Variants in PRKN observed in about 807,000 individuals in gnomAD.
PRKN encodes the protein E3 ubiquitin-protein ligase parkin.
In PRKN, 56 loss-of-function variants were observed where a neutral mutation model predicts 59.5. The ratio of observed to expected loss-of-function variants is 0.94; its 90% confidence interval spans 0.76 to 1.18. The LOEUF (loss-of-function observed/expected upper bound fraction) is 1.18, where lower values mean the gene tolerates loss of function less well. Among genes scored for constraint, PRKN ranks in the 50% most tolerant of loss-of-function variants. The pLI, the probability that PRKN is intolerant of heterozygous loss-of-function variation, is 0.00. For synonymous variants in PRKN, 250 were observed against 222.1 expected (o/e 1.13, Z -1.12); for missense variants, 657 against 596.4 (o/e 1.10, Z -1.06).
chr6:162,303,023 A>G (rs1782037532), intron 2 of PRKN, among the ~76,000 whole-genome samples: 1 of 147,726 alleles, frequency 6.8e-6, no homozygotes, highest in Admixed American at 6.8e-5. Context: ...TCCCAGAGAA[A>G]GCAGTTACGT....
intron 4 of PRKN, among the ~76,000 whole-genome samples, chr6:162,101,112 T>C (rs1779952915): frequency 6.6e-6 from 1 of 152,120 alleles, no homozygotes. Context: ...TTCCCTTTTG[T>C]TGCTTGTGCT....
rs557605507 is a variant in PRKN, at chr6:162,240,163, C to T, written c.412+22362G>A. On this transcript the variant is annotated intron_variant, in intron 3 of 11. Coordinates refer to ENST00000366898, the MANE Select transcript of PRKN (RefSeq NM_004562.3). ...GCCATTAAGGTTTGTTTCAAGGAGT[C>T]GGGGGAAGCTCCCCAGCAGCTCTGA... 1.1e-4 allele frequency among the ~76,000 whole-genome samples: 16 copies of T among 152,204 alleles called. No homozygotes were observed. The East Asian group carries it at 1.7e-3, about 17-fold the overall frequency.
chr6:162,627,634 TAGGC>T (rs1782947571), intron 1 of PRKN, among the ~76,000 whole-genome samples: 1 of 152,018 alleles, frequency 6.6e-6, no homozygotes. Flanking sequence ...ATGGGGCAGT[TAGGC>T]AGGGTGAACG....
chr6:161,711,033 T>C (rs1786729462), intron 7 of PRKN, among the ~76,000 whole-genome samples: 1 of 151,862 alleles, frequency 6.6e-6, no homozygotes, highest in South Asian at 2.1e-4. Context: ...GAAAGGATAT[T>C]TCTTATTCCC....
chr6:161,400,605 C>A lies in PRKN; in HGVS notation c.1084-13728G>T, dbSNP rs1370115802. ...CTGGGATTACAGGCATGAGCCACCA[C>A]GCTCGGCCGAAAATTAAACGTATTC... On this transcript the variant is annotated intron_variant, in intron 9 of 11. Transcript: ENST00000366898. This position sits in a 1 kb window ranked among gnomAD's most constrained non-coding sequence, Gnocchi z 4.2. 6.6e-6 allele frequency among the ~76,000 whole-genome samples: 1 copy of A among 152,068 alleles called. No homozygotes were observed. Among genetic ancestry groups the A allele is most frequent in the Non-Finnish European group, 1.5e-5 (1 of 68,010 alleles).
intron 6 of PRKN, among the ~76,000 whole-genome samples, chr6:161,856,727 C>A (rs35378660): frequency 0.22 from 34,089 of 151,986 alleles, 4,781 homozygotes; most frequent in South Asian, 0.33. Flanking sequence ...TATTTTGTTT[C>A]TTTTAGGTGC....
At chr6:162,638,035 TTATA>T (rs5881485) in intron 1 of PRKN, among the ~76,000 whole-genome samples, 28,981 of 151,960 alleles carry the variant, frequency 0.19, 3,451 homozygotes, top group East Asian at 0.47. Flanking sequence ...TCAGATTCCT[TTATA>T]TAGTTTCTTT....
chr6:161,445,279 G>A lies in PRKN; in HGVS notation c.1084-58402C>T, dbSNP rs555917998. 7.9e-5 allele frequency among the ~76,000 whole-genome samples: 12 copies of A among 152,232 alleles called. No homozygotes were observed. Among genetic ancestry groups the A allele is most frequent in the South Asian group, 6.2e-4 (3 of 4,814 alleles). The stretch of plus-strand genomic sequence containing the variant: ...AAGACAGGACTGTAAAACATAGACC[G>A]CATGTGACCTGCTGGTGCTCGGCAC... On this transcript the variant is annotated intron_variant, in intron 9 of 11. Coordinates refer to ENST00000366898, the MANE Select transcript of PRKN (RefSeq NM_004562.3). This position sits in a 1 kb window ranked among gnomAD's most constrained non-coding sequence, Gnocchi z 7.7.
rs1160664725 is a variant in PRKN, at chr6:161,584,715, A to G, written c.872-15299T>C. Among the ~76,000 whole-genome samples the G allele has an allele frequency of 6.6e-6, 1 of 152,226 alleles. No homozygotes were observed. Reference sequence around the variant, plus strand: ...CCATTATACAACAGGGGGATCCTACATCCAGCTTCATTTAGGATATTGCTT... The same window carrying G: ...CCATTATACAACAGGGGGATCCTACGTCCAGCTTCATTTAGGATATTGCTT... On this transcript the variant is annotated intron_variant, in intron 7 of 11. Coordinates refer to ENST00000366898, the MANE Select transcript of PRKN (RefSeq NM_004562.3). The surrounding 1 kb of genome is among the most constrained non-coding windows in gnomAD (Gnocchi z 4.8).
At chr6:162,378,584 A>G (rs1056928311) in intron 2 of PRKN, among the ~76,000 whole-genome samples, 5 of 152,240 alleles carry the variant, frequency 3.3e-5, no homozygotes, top group African/African-American at 1.2e-4. Context: ...TTAGTCTTGT[A>G]TTTTCAGGAT....
intron 2 of PRKN, among the ~76,000 whole-genome samples, chr6:162,413,484 T>C (rs962040385): frequency 5.3e-5 from 8 of 152,186 alleles, no homozygotes; most frequent in African/African-American, 1.9e-4. Flanking sequence ...ACTAATTAGA[T>C]AGCAAGGTAT....
rs61592555 is a variant in PRKN at position 162,179,968 on chromosome 6, C to CTGTGTGTGTGTGTGTGTGTGTGTGTG, written c.534+21137_534+21162dup. Among the ~76,000 whole-genome samples, 320 of 139,736 alleles carry CTGTGTGTGTGTGTGTGTGTGTGTGTG rather than the reference C, an allele frequency of 2.3e-3. 4 individuals are homozygous for CTGTGTGTGTGTGTGTGTGTGTGTGTG. Among genetic ancestry groups the CTGTGTGTGTGTGTGTGTGTGTGTGTG allele is most frequent in the Non-Finnish European group, 3.3e-3 (215 of 64,466 alleles). 91.7% of individuals were successfully genotyped at this position (139,736 alleles called of 152,430 possible). A position where few individuals can be genotyped will look rare whatever the true frequency, so the allele number is the denominator to read the frequency against. Reference sequence around the variant, plus strand: ...GACAGTGCTTTTTGTTATCTTATTACTGTGTGTGTGTGTGTGTGTGTGTGT... The same window carrying CTGTGTGTGTGTGTGTGTGTGTGTGTG: ...GACAGTGCTTTTTGTTATCTTATTACTGTGTGTGTGTGTGTGTGTGTGTGTGTGTGTGTGTGTGTGTGTGTGTGTGT... On this transcript the variant is annotated intron_variant, in intron 4 of 11. Coordinates refer to ENST00000366898, the MANE Select transcript of PRKN (RefSeq NM_004562.3).
intron 6 of PRKN, among the ~76,000 whole-genome samples, chr6:161,851,930 T>C (rs1793452824): frequency 2.0e-5 from 3 of 147,548 alleles, no homozygotes; most frequent in Admixed American, 1.3e-4. Flanking sequence ...CTACCAAAAA[T>C]ACAAAAATTA....
intron 1 of PRKN, chr6:162,569,254 C>G: frequency 1.2e-5 from 7 of 584,026 alleles, no homozygotes; most frequent in South Asian, 1.1e-4. Context: ...GCCTCAAAAG[C>G]CAGAGGGCTT....
intron 6 of PRKN, among the ~76,000 whole-genome samples, chr6:161,836,567 C>G (rs534097136): frequency 6.6e-6 from 1 of 152,176 alleles, no homozygotes; most frequent in South Asian, 2.1e-4. Context: ...TAAACCTGCT[C>G]ATTATTCTAC....
rs1462928347 is a variant in PRKN at position 161,473,369 on chromosome 6, T to G, written c.1083+75485A>C. 1.3e-5 allele frequency among the ~76,000 whole-genome samples: 2 copies of G among 150,332 alleles called. No individual in the cohort carries two copies. Among genetic ancestry groups the G allele is most frequent in the Admixed American group, 6.7e-5 (1 of 14,978 alleles). On this transcript the variant is annotated intron_variant, in intron 9 of 11. Transcript: ENST00000366898. This position sits in a 1 kb window ranked among gnomAD's most constrained non-coding sequence, Gnocchi z 4.1. ...ATCCATAAATTTATTTATATACATA[T>G]ATATATATAAAATGGAATATTATCA...
chr6:162,462,600 T>C (rs763291112), intron 1 of PRKN, among the ~76,000 whole-genome samples: 5 of 152,172 alleles, frequency 3.3e-5, no homozygotes, highest in Admixed American at 1.3e-4. Context: ...AGAGGGCTAA[T>C]GTGTATCTTG....
chr6:162,017,597 A>C (rs1325535464), intron 5 of PRKN, among the ~76,000 whole-genome samples: 1 of 139,650 alleles, frequency 7.2e-6, no homozygotes, highest in Non-Finnish European at 1.6e-5. Context: ...CCATGGTTTA[A>C]CATTTCATGC....
intron 2 of PRKN, among the ~76,000 whole-genome samples, chr6:162,401,119 G>T (rs1787771687): frequency 6.6e-6 from 1 of 151,884 alleles, no homozygotes; most frequent in Non-Finnish European, 1.5e-5. Context: ...GGAATAAAAA[G>T]TATGTTTTCA....
Sources: allele counts gnomAD v4.1 joint callset (sites outside exome capture counted in the v4.1 genomes callset), GRCh38; gene constraint gnomAD v4.1.1; non-coding constraint Gnocchi (gnomAD v3.1); transcripts MANE v1.5; gene names NCBI Gene and HGNC (gene_info 2026-07-23, HGNC 2026-07-21).